The following PDLIM1 variants were observed in gnomAD, a reference collection of about 807,000 sequenced individuals.
The protein encoded by PDLIM1 is PDZ and LIM domain 1.
PDLIM1 carries 25 observed loss-of-function variants against 35.2 expected under a neutral mutation model. The observed-to-expected ratio is 0.71, with a 90% CI of 0.52 to 0.99. PDLIM1 has a LOEUF of 0.99. Among genes scored for constraint, PDLIM1 ranks in the 50% least tolerant of loss-of-function variants. The pLI, the probability that PDLIM1 is intolerant of heterozygous loss-of-function variation, is 0.00. For missense variants in PDLIM1, 363 were observed against 415.3 expected, an observed-to-expected ratio of 0.87 and a Z score of 1.09; for synonymous variants, 152 against 154.0, an observed-to-expected ratio of 0.99 and a Z score of 0.10.
chr10:95,260,852 A>G (rs1018714496), intron 4 of PDLIM1, among the ~76,000 whole-genome samples: 1 of 152,248 alleles, frequency 6.6e-6, no homozygotes, highest in Non-Finnish European at 1.5e-5. Flanking sequence ...AAGCAAAGTT[A>G]CCAGGTGACT....
At chr10:95,261,043 C>G (rs1240238294) in intron 4 of PDLIM1, among the ~76,000 whole-genome samples, 1 of 152,214 alleles carries the variant, frequency 6.6e-6, no homozygotes, top group Non-Finnish European at 1.5e-5. Context: ...ACAGGACCCT[C>G]TCTGCTGAGA....
intron 1 of PDLIM1, among the ~76,000 whole-genome samples, chr10:95,276,301 CA>C (rs568446219): frequency 1.6e-3 from 233 of 143,448 alleles, no homozygotes; most frequent in Non-Finnish European, 1.5e-3. Flanking sequence ...CTGTCAAAGC[CA>C]AAAAAAAAAA....
chr10:95,270,757 A>AT (rs796797386), intron 2 of PDLIM1, among the ~76,000 whole-genome samples: 29 of 146,784 alleles, frequency 2.0e-4, no homozygotes, highest in African/African-American at 3.2e-4. Flanking sequence ...TCCTAAGGAC[A>AT]TTTTTTTTTT....
intron 4 of PDLIM1, among the ~76,000 whole-genome samples, chr10:95,257,238 TA>T (rs888556508): frequency 2.0e-5 from 3 of 151,034 alleles, no homozygotes; most frequent in Admixed American, 1.3e-4. Flanking sequence ...AAAATAAAAA[TA>T]AAAAAAGCTT....
intron 4 of PDLIM1, among the ~76,000 whole-genome samples, chr10:95,258,792 C>T (rs555739353): frequency 8.6e-5 from 13 of 151,650 alleles, no homozygotes; most frequent in Admixed American, 6.6e-4. Flanking sequence ...CACTTAAAAA[C>T]GTTTAAGATC....
chr10:95,256,282 T>G (rs2133419949), intron 4 of PDLIM1, among the ~76,000 whole-genome samples: 1 of 152,304 alleles, frequency 6.6e-6, no homozygotes, highest in Admixed American at 6.5e-5. Flanking sequence ...CAAAGCAATC[T>G]ACATCTTCAA....
chr10:95,254,604 G>A (rs1198724754), intron 4 of PDLIM1, among the ~76,000 whole-genome samples: 1 of 152,116 alleles, frequency 6.6e-6, no homozygotes, highest in Non-Finnish European at 1.5e-5. Context: ...GATAATCAGA[G>A]AGGATACAGA....
intron 4 of PDLIM1, among the ~76,000 whole-genome samples, chr10:95,259,546 T>C (rs1347831977): frequency 3.3e-5 from 5 of 152,160 alleles, no homozygotes; most frequent in Non-Finnish European, 7.3e-5. Context: ...GGCACACATA[T>C]TGGTCCTGCA....
At chr10:95,240,832 G>A (rs931075183) in intron 5 of PDLIM1, among the ~76,000 whole-genome samples, 1 of 152,122 alleles carries the variant, frequency 6.6e-6, no homozygotes, top group Non-Finnish European at 1.5e-5. Flanking sequence ...GTAGCTAGAT[G>A]CTGAGCTGCC....
chr10:95,252,509 A>G, intron 4 of PDLIM1, among the ~76,000 whole-genome samples: 1 of 152,246 alleles, frequency 6.6e-6, no homozygotes, highest in East Asian at 1.9e-4. Context: ...CAGTTGAAAA[A>G]TCACATCTCT....
Position 95,281,822 on chromosome 10 carries a change from T to C in PDLIM1, c.96+8998A>G, listed in dbSNP as rs144462595. Among the ~76,000 whole-genome samples the C allele has an allele frequency of 2.8e-4, 42 of 152,248 alleles. No homozygotes were observed. The East Asian group carries it at 4.6e-3, about 17-fold the overall frequency. On this transcript the variant is annotated intron_variant, in intron 1 of 6. Transcript: ENST00000329399. Reference sequence around the variant, plus strand: ...AAGTATAATAACTCCAAACAAGATATCTAAATAACTCGACGTGGGTCCTAT... The same window carrying C: ...AAGTATAATAACTCCAAACAAGATACCTAAATAACTCGACGTGGGTCCTAT...
chr10:95,257,002 G>GAAAAGAAAAGAAAAGAAAAGAAAAGA lies in PDLIM1; in HGVS notation c.533+6861_533+6862insTCTTTTCTTTTCTTTTCTTTTCTTTT, dbSNP rs371813071. On this transcript the variant is annotated intron_variant, in intron 4 of 6. Transcript: ENST00000329399. ...AAAAAAAAAAAAAGAAAGAAAGAAA[G>GAAAAGAAAAGAAAAGAAAAGAAAAGA]AAAGAAAGAAAGAAAGAAAGAAAGA... Among the ~76,000 whole-genome samples, 19 of 88,636 alleles carry GAAAAGAAAAGAAAAGAAAAGAAAAGA rather than the reference G, an allele frequency of 2.1e-4. 1 individual carries two copies. Among genetic ancestry groups the GAAAAGAAAAGAAAAGAAAAGAAAAGA allele is most frequent in the African/African-American group, 3.4e-4 (11 of 32,534 alleles). The allele number at this position is 88,636 out of a possible 152,430, so 58.1% of individuals were successfully genotyped here. A position where few individuals can be genotyped will look rare whatever the true frequency, so the allele number is the denominator to read the frequency against.
chr10:95,283,973 C>CTT (rs1372795737), intron 1 of PDLIM1, among the ~76,000 whole-genome samples: 16 of 74,046 alleles, frequency 2.2e-4, no homozygotes, highest in Admixed American at 3.6e-4. Flanking sequence ...TAGGTATGGC[C>CTT]TTTTTCTCTG....
chr10:95,250,416 A>G (rs1006770496), intron 4 of PDLIM1, among the ~76,000 whole-genome samples: 19 of 152,246 alleles, frequency 1.2e-4, no homozygotes, highest in African/African-American at 4.6e-4. Flanking sequence ...CCACTGGACA[A>G]TTTATAAAGG....
chr10:95,243,693 A>G (rs976574249), intron 5 of PDLIM1, among the ~76,000 whole-genome samples: 4 of 152,136 alleles, frequency 2.6e-5, no homozygotes, highest in African/African-American at 9.7e-5. Flanking sequence ...CAAACCTCCA[A>G]TCATTGAAAG....
Position 95,285,428 on chromosome 10 carries a change from G to A in PDLIM1, c.96+5392C>T, listed in dbSNP as rs1018959989. Among the ~76,000 whole-genome samples the A allele has an allele frequency of 3.7e-4, 57 of 152,288 alleles. 1 individual carries two copies. The highest frequency in any genetic ancestry group is 1.3e-3 in the African/African-American group (52 of 41,574). The stretch of plus-strand genomic sequence containing the variant: ...GTGCTGGGTTAACACTGTTAGCAAT[G>A]AAATATTGACAGTTATGGCTTATTA... On this transcript the variant is annotated intron_variant, in intron 1 of 6. Coordinates refer to ENST00000329399, the MANE Select transcript of PDLIM1 (RefSeq NM_020992.4).
At chr10:95,261,940 G>A (rs1389089165) in intron 4 of PDLIM1, among the ~76,000 whole-genome samples, 4 of 151,968 alleles carry the variant, frequency 2.6e-5, no homozygotes, top group African/African-American at 4.8e-5. Context: ...CCCGGGAGGC[G>A]GAGGTTGTGG....
Position 95,290,825 on chromosome 10 carries a change from A to T in PDLIM1, c.91T>A (p.Ser31Thr), listed in dbSNP as rs1376826794. Reference sequence around the variant, plus strand: ...CACGTCCCAGCTGCTCTTACCCGGGAAATGGCGAGAGGCTGCTCGAAGTCC... The same window carrying T: ...CACGTCCCAGCTGCTCTTACCCGGGTAATGGCGAGAGGCTGCTCGAAGTCC... ...GKDFEQPLAISRVTPGSKAAL... is the reference protein window; with the variant it reads ...GKDFEQPLAITRVTPGSKAAL... Residue 31 changes from serine (S) to threonine (T), a missense_variant, in exon 1 of 7, where the codon TCC (serine) becomes ACC (threonine). Transcript: ENST00000329399. The surrounding 1 kb of genome is among the most constrained non-coding windows in gnomAD (Gnocchi z 4.7). 6.4e-7 allele frequency: 1 copy of T among 1,557,490 alleles called. No individual in the cohort carries two copies. Among genetic ancestry groups the T allele is most frequent in the Non-Finnish European group, 8.7e-7 (1 of 1,150,594 alleles).
At chr10:95,285,694 A>C (rs528672802) in intron 1 of PDLIM1, among the ~76,000 whole-genome samples, 1 of 152,322 alleles carries the variant, frequency 6.6e-6, no homozygotes, top group Admixed American at 6.5e-5. Context: ...CGGACTCCCC[A>C]GCCAAACTCC....
Sources: gnomAD v4.1 joint callset for allele counts (sites outside exome capture counted in the v4.1 genomes callset) on GRCh38, gnomAD v4.1.1 for gene constraint, Gnocchi (gnomAD v3.1) non-coding constraint, MANE v1.5 for transcripts, NCBI Gene and HGNC (gene_info 2026-07-23, HGNC 2026-07-21) for gene names.